The following WDR7 variants were observed in gnomAD, a reference collection of about 807,000 sequenced individuals.
WDR7 encodes WD repeat domain 7.
A neutral mutation model predicts 169.4 loss-of-function variants in WDR7; 46 were observed. The ratio of observed to expected loss-of-function variants is 0.27; its 90% CI spans 0.21 to 0.35. The LOEUF (loss-of-function observed/expected upper bound fraction) is 0.35. WDR7 is among the 10% of genes least tolerant of loss of function. The pLI, the probability that WDR7 is intolerant of heterozygous loss-of-function variation, is 1.00. For missense variants in WDR7, 1,534 were observed against 1,859.3 expected, an observed-to-expected ratio of 0.83 and a Z score of 3.22; for synonymous variants, 612 against 666.8, an observed-to-expected ratio of 0.92 and a Z score of 1.27.
intron 20 of WDR7, among the ~76,000 whole-genome samples, chr18:56,857,268 T>C (rs1236213997): frequency 6.6e-6 from 1 of 152,174 alleles, no homozygotes; most frequent in Non-Finnish European, 1.5e-5. Flanking sequence ...AACCATTTTT[T>C]TCTTTTTTCG....
At chr18:56,674,717 G>T (rs571418848) in intron 2 of WDR7, among the ~76,000 whole-genome samples, 1 of 152,022 alleles carries the variant, frequency 6.6e-6, no homozygotes, top group African/African-American at 2.4e-5. Context: ...TTATGTTATT[G>T]TTGTCATATC....
intron 20 of WDR7, among the ~76,000 whole-genome samples, chr18:56,857,186 G>T (rs79589361): frequency 2.0e-5 from 3 of 152,140 alleles, no homozygotes; most frequent in Non-Finnish European, 2.9e-5. Flanking sequence ...GTAATAAATA[G>T]TGGTTTCTGA....
chr18:56,760,245 A>G (rs1370254765), intron 16 of WDR7, among the ~76,000 whole-genome samples: 1 of 152,172 alleles, frequency 6.6e-6, no homozygotes, highest in Non-Finnish European at 1.5e-5. Context: ...CAAGGATTAG[A>G]GTATTGCCAG....
chr18:56,922,864 G>T (rs1431500935), intron 21 of WDR7, among the ~76,000 whole-genome samples: 1 of 152,028 alleles, frequency 6.6e-6, no homozygotes, highest in Non-Finnish European at 1.5e-5. Context: ...TTTGTTGGTT[G>T]GATATGTTGT....
At chr18:56,747,403 A>C (rs2043721257) in intron 14 of WDR7, among the ~76,000 whole-genome samples, 1 of 152,182 alleles carries the variant, frequency 6.6e-6, no homozygotes, top group Non-Finnish European at 1.5e-5. Context: ...TACATAGTTT[A>C]ATACTCTTGA....
chr18:56,703,786 T>C (rs982619255), intron 12 of WDR7, among the ~76,000 whole-genome samples: 2 of 152,104 alleles, frequency 1.3e-5, no homozygotes, highest in African/African-American at 4.8e-5. Flanking sequence ...TATTGGACAT[T>C]TTAGAATGTT....
At chr18:56,900,078 GTGTGTATATATATA>G (rs767453966) in intron 21 of WDR7, among the ~76,000 whole-genome samples, 12 of 125,038 alleles carry the variant, frequency 9.6e-5, no homozygotes, top group African/African-American at 3.5e-4. Context: ...GTGTGTGTGT[GTGTGTATATATATA>G]TATATATATA....
chr18:56,670,427 T>C lies in WDR7; in HGVS notation c.-19-2070T>C, dbSNP rs1407427874. ...AGTCGCCAACTAGCTAGAGAAATGG[T>C]GTTCTTTCCAGGTCTCACCACGTTG... is the stretch of plus-strand genomic sequence containing the variant. On this transcript the variant is annotated intron_variant, in intron 1 of 27. Transcript: ENST00000254442. 2.6e-5 allele frequency among the ~76,000 whole-genome samples: 4 copies of C among 152,186 alleles called. No individual in the cohort carries two copies. The East Asian group carries it at 7.7e-4, about 29-fold the overall frequency.
At chr18:56,800,323 T>C (rs2044651194) in intron 19 of WDR7, among the ~76,000 whole-genome samples, 1 of 152,244 alleles carries the variant, frequency 6.6e-6, no homozygotes, top group Non-Finnish European at 1.5e-5. Context: ...AGATGCATTA[T>C]GCTCATTACA....
At chr18:56,746,253 C>T (rs2043701609) in intron 14 of WDR7, among the ~76,000 whole-genome samples, 1 of 152,154 alleles carries the variant, frequency 6.6e-6, no homozygotes, top group African/African-American at 2.4e-5. Flanking sequence ...ACTGATCTCT[C>T]TCTTATTTTG....
At chr18:56,995,240 A>G (rs1353672543) in intron 26 of WDR7, among the ~76,000 whole-genome samples, 6 of 152,232 alleles carry the variant, frequency 3.9e-5, no homozygotes, top group Non-Finnish European at 7.3e-5. Flanking sequence ...CTATTTCCTC[A>G]GAAACACACA....
At chr18:56,809,597 AT>A (rs549972309) in intron 19 of WDR7, among the ~76,000 whole-genome samples, 18 of 150,582 alleles carry the variant, frequency 1.2e-4, no homozygotes, top group African/African-American at 2.7e-4. Flanking sequence ...GTGGACTCTT[AT>A]TTTTTTTTGC....
At chr18:56,760,373 C>G (rs2043962803) in intron 16 of WDR7, among the ~76,000 whole-genome samples, 1 of 152,134 alleles carries the variant, frequency 6.6e-6, no homozygotes, top group Non-Finnish European at 1.5e-5. Flanking sequence ...GTTGTACCAC[C>G]TAAGTTTAAA....
chr18:56,923,039 G>A (rs1317685774), intron 21 of WDR7, among the ~76,000 whole-genome samples: 1 of 152,122 alleles, frequency 6.6e-6, no homozygotes, highest in Non-Finnish European at 1.5e-5. Context: ...TAAACCTGAA[G>A]CATGTGTTCC....
At chr18:56,787,068 G>A (rs1224893338) in intron 19 of WDR7, among the ~76,000 whole-genome samples, 1 of 151,996 alleles carries the variant, frequency 6.6e-6, no homozygotes, top group Admixed American at 6.5e-5. Flanking sequence ...AAGCTGTTTG[G>A]CAGAACCCAG....
intron 1 of WDR7, among the ~76,000 whole-genome samples, chr18:56,670,106 C>CT (rs909593103): frequency 5.3e-5 from 8 of 151,810 alleles, no homozygotes; most frequent in South Asian, 2.1e-4. Flanking sequence ...CTAATTTGCC[C>CT]TTTTTTTTGT....
intron 26 of WDR7, among the ~76,000 whole-genome samples, chr18:56,989,503 C>A (rs954267282): frequency 6.6e-6 from 1 of 152,110 alleles, no homozygotes; most frequent in African/African-American, 2.4e-5. Flanking sequence ...AACTTCTACT[C>A]TAATTTGTAT....
At chr18:56,821,354 C>T (rs1157053307) in intron 20 of WDR7, among the ~76,000 whole-genome samples, 1 of 152,036 alleles carries the variant, frequency 6.6e-6, no homozygotes. Context: ...TAATATATTT[C>T]CAGATATGTA....
chr18:56,711,440 A>G (rs2026084423), intron 12 of WDR7, among the ~76,000 whole-genome samples: 1 of 151,994 alleles, frequency 6.6e-6, no homozygotes, highest in South Asian at 2.1e-4. Flanking sequence ...CTTTGATAGT[A>G]TTTTCTTAAT....
Sources: allele counts gnomAD v4.1 joint callset (sites outside exome capture counted in the v4.1 genomes callset), GRCh38; gene constraint gnomAD v4.1.1; transcripts MANE v1.5; gene names NCBI Gene and HGNC (gene_info 2026-07-23, HGNC 2026-07-21).